Variants in CHAT observed in about 807,000 individuals in gnomAD.
CHAT encodes the protein choline O-acetyltransferase.
CHAT carries 61 observed loss-of-function variants against 76.9 expected under a neutral mutation model. The observed-to-expected ratio is 0.79, with a 90% confidence interval of 0.65 to 0.98. The LOEUF (loss-of-function observed/expected upper bound fraction) is 0.98. Ranked by LOEUF, CHAT falls within the 50% of genes least tolerant of loss-of-function variation. CHAT has a pLI of 0.00. For synonymous variants in CHAT, 407 were observed against 397.4 expected (o/e 1.02, Z -0.29); for missense variants, 946 against 986.9 (o/e 0.96, Z 0.56).
At chr10:49,616,433 G>A (rs140899675) in intron 1 of CHAT, 69 bp from the exon 2 acceptor site, 16 of 1,216,100 alleles carry the variant, frequency 1.3e-5, no homozygotes, top group Middle Eastern at 2.0e-4. Flanking sequence ...GTCTGTTGGC[G>A]GGAGGTGGAG....
Position 49,614,412 on chromosome 10 carries a change from C to T in CHAT, c.223C>T (p.Pro75Ser). The change falls in exon 1 of 15, where the codon CCC (proline) becomes TCC (serine). Residue 75 changes from proline (P) to serine (S), a missense_variant. Pro to Ser is a moderately conservative substitution (Grantham distance 74). Around this residue, in one of 3 missense-constraint regions of CHAT, gnomAD observed 548 missense variants for 516.2 expected, o/e 1.06. Transcript: ENST00000337653. The stretch of plus-strand genomic sequence containing the variant: ...CCCCCCACCCCTTCCGGCTCACACC[C>T]CCGCCCACACTCCTGAGTGGTGCGG... ...TRPPPLPAHT[P>S]AHTPEWCGAA... 2 of 1,547,402 alleles carry T rather than the reference C, an allele frequency of 1.3e-6. No individual in the cohort carries two copies. Among genetic ancestry groups the T allele is most frequent in the Non-Finnish European group, 1.7e-6 (2 of 1,146,524 alleles).
intron 13 of CHAT, among the ~76,000 whole-genome samples, chr10:49,658,078 C>A (rs1222520293): frequency 2.0e-5 from 3 of 152,182 alleles, no homozygotes; most frequent in Non-Finnish European, 1.5e-5. Flanking sequence ...TTAAAAAAAT[C>A]TTTTTAAAAA....
rs1275471103 is a variant in CHAT at position 49,665,422 on chromosome 10, G to T, written c.*376G>T. On this transcript the variant is annotated 3_prime_UTR_variant, in exon 15 of 15. Coordinates refer to ENST00000337653, the MANE Select transcript of CHAT (RefSeq NM_020549.5). ...AGGTGATGCTTCTGCCCAAGGAAAGGATGAGTCACTCTATTACATGCAACG... is the reference window on the plus strand; with the variant it reads ...AGGTGATGCTTCTGCCCAAGGAAAGTATGAGTCACTCTATTACATGCAACG... Among the ~76,000 whole-genome samples the T allele has an allele frequency of 6.6e-6, 1 of 152,152 alleles. No individual in the cohort carries two copies. The highest frequency in any genetic ancestry group is 1.5e-5 in the Non-Finnish European group (1 of 68,022).
At chr10:49,648,102 T>G in intron 8 of CHAT, 1 of 279,282 alleles carries the variant, frequency 3.6e-6, no homozygotes, top group Non-Finnish European at 6.9e-6. Context: ...GGAGTAAAGA[T>G]CCAGCCTCTG....
chr10:49,614,206 C>A lies in CHAT; in HGVS notation c.17C>A (p.Ala6Glu). 2 of 1,418,280 alleles carry A rather than the reference C, an allele frequency of 1.4e-6. No homozygotes were observed. The highest frequency in any genetic ancestry group is 1.2e-5 in the South Asian group (1 of 80,174). The allele number at this position is 1,418,280 out of a possible 1,614,324, so 87.9% of individuals were successfully genotyped here. A position where few individuals can be genotyped will look rare whatever the true frequency, so the allele number is the denominator to read the frequency against. Residue 6 changes from alanine to glutamate, a missense_variant, in exon 1 of 15, where the codon GCG becomes GAG. By Grantham distance (107) the Ala-to-Glu change is moderately radical. Around this residue, in one of 3 missense-constraint regions of CHAT, gnomAD observed 548 missense variants for 516.2 expected, o/e 1.06. Coordinates refer to ENST00000337653, the MANE Select transcript of CHAT (RefSeq NM_020549.5). Reference protein sequence around the residue: MGLRTAKKRGLGGGGK... With the variant: MGLRTEKKRGLGGGGK... ...GGGGAAGGGATGGGGCTGAGGACAG[C>A]GAAGAAGAGGGGGCTTGGGGGAGGG...
chr10:49,639,844 C>A (rs1421374150), intron 7 of CHAT, among the ~76,000 whole-genome samples: 1 of 152,060 alleles, frequency 6.6e-6, no homozygotes, highest in Non-Finnish European at 1.5e-5. Flanking sequence ...AATTTGGTGA[C>A]ATAAACATCA....
Position 49,646,885 on chromosome 10 carries a change from C to T in CHAT, c.1281+211C>T, listed in dbSNP as rs554335496. On this transcript the variant is annotated intron_variant, in intron 8 of 14. Coordinates refer to ENST00000337653, the MANE Select transcript of CHAT (RefSeq NM_020549.5). ...CTGTTGATGTCAATCTCTGGACCAGCCAGAACTCTTCTCAGGAGCCAGTGG... is the reference window on the plus strand; with the variant it reads ...CTGTTGATGTCAATCTCTGGACCAGTCAGAACTCTTCTCAGGAGCCAGTGG... Among the ~76,000 whole-genome samples, 17 of 152,316 alleles carry T rather than the reference C, an allele frequency of 1.1e-4. 1 individual carries two copies. In the South Asian group the frequency reaches 3.1e-3, roughly 28 times the overall value.
intron 7 of CHAT, among the ~76,000 whole-genome samples, chr10:49,644,932 C>T (rs192298351): frequency 2.0e-5 from 3 of 152,294 alleles, no homozygotes; most frequent in Non-Finnish European, 2.9e-5. Flanking sequence ...GAAGGCAAAA[C>T]GCAGGCGAGA....
chr10:49,649,767 C>A (rs1839810430), intron 10 of CHAT, 131 bp downstream of exon 10: 1 of 907,128 alleles, frequency 1.1e-6, no homozygotes, highest in Non-Finnish European at 1.8e-6. Context: ...TCCACCTCGT[C>A]CCCATCCCTC....
chr10:49,630,775 G>T (rs1839090991), intron 7 of CHAT, among the ~76,000 whole-genome samples: 1 of 152,174 alleles, frequency 6.6e-6, no homozygotes, highest in South Asian at 2.1e-4. Context: ...GAGGCCTTTG[G>T]TTGGTACAGG....
chr10:49,614,579 G>C, intron 1 of CHAT, 104 bp downstream of exon 1: 1 of 995,112 alleles, frequency 1.0e-6, no homozygotes. Flanking sequence ...GAGGCCCCAG[G>C]ACTCGTGGAG....
At chr10:49,653,095 C>T (rs947326389) in intron 11 of CHAT, among the ~76,000 whole-genome samples, 3 of 152,062 alleles carry the variant, frequency 2.0e-5, no homozygotes, top group South Asian at 2.1e-4. Context: ...CTGGGCATCT[C>T]GCATGCCTCT....
At chr10:49,623,219 A>G (rs1161355425) in intron 5 of CHAT, among the ~76,000 whole-genome samples, 2 of 152,064 alleles carry the variant, frequency 1.3e-5, no homozygotes, top group Non-Finnish European at 2.9e-5. Context: ...TCTGTTTTCA[A>G]ACACCATTGT....
upstream of CHAT, chr10:49,611,572 G>A: frequency 6.2e-7 from 1 of 1,607,752 alleles, no homozygotes; most frequent in Non-Finnish European, 8.5e-7. Flanking sequence ...CAACCTGCCA[G>A]TGGGCACTCC....
Position 49,625,630 on chromosome 10 carries a change from G to A in CHAT, c.910G>A (p.Val304Ile), listed in dbSNP as rs116362950. ...CAGCATCATGCCGGAGCCTGAGCAC[G>A]TCATCGTAGCCTGCTGCAATCAGGT... ...NSSIMPEPEH[V>I]IVACCNQFFV... Residue 304 changes from valine (V) to isoleucine (I), a missense_variant, in exon 6 of 15, where the codon GTC becomes ATC. Val to Ile is a conservative substitution (Grantham distance 29). Transcript: ENST00000337653. The A allele has an allele frequency of 5.6e-5, 89 of 1,580,870 alleles. No homozygotes were observed. In the East Asian group the frequency reaches 1.4e-3, roughly 25 times the overall value.
chr10:49,619,652 C>A (rs1838624069), intron 2 of CHAT, 73 bp from the exon 3 acceptor site: 2 of 1,457,968 alleles, frequency 1.4e-6, no homozygotes, highest in African/African-American at 1.4e-5. Context: ...AATACAGATA[C>A]TAGGGACCAA....
chr10:49,654,811 C>A (rs1480724647), intron 11 of CHAT, among the ~76,000 whole-genome samples: 1 of 73,272 alleles, frequency 1.4e-5, no homozygotes, highest in African/African-American at 3.9e-5. Context: ...CTAGGTTTCC[C>A]ACCAGGTTGG....
intron 11 of CHAT, among the ~76,000 whole-genome samples, chr10:49,653,552 G>A (rs1377398499): frequency 6.6e-6 from 1 of 152,206 alleles, no homozygotes; most frequent in African/African-American, 2.4e-5. Flanking sequence ...GTCCCCTGCG[G>A]GGCTGTAATT....
intron 10 of CHAT, among the ~76,000 whole-genome samples, chr10:49,650,494 AG>A (rs1385545133): frequency 1.3e-5 from 2 of 152,198 alleles, no homozygotes; most frequent in Admixed American, 6.5e-5. Flanking sequence ...TGGTGCAAGC[AG>A]ATGGGGAAGA....
Sources: gnomAD v4.1 joint callset for allele counts (sites outside exome capture counted in the v4.1 genomes callset) on GRCh38, gnomAD v4.1.1 for gene constraint, gnomAD v4.1.1 regional missense constraint, MANE v1.5 for transcripts, NCBI Gene and HGNC (gene_info 2026-07-23, HGNC 2026-07-21) for gene names.